Variants in ZBTB20 observed in about 807,000 individuals in gnomAD.
ZBTB20 encodes the protein zinc finger and BTB domain containing 20, also known as zinc finger and BTB domain-containing protein 20.
ZBTB20 carries 9 observed loss-of-function variants against 56.9 expected under a neutral mutation model. The ratio of observed to expected loss-of-function variants is 0.16; its 90% confidence interval spans 0.10 to 0.28. The LOEUF (loss-of-function observed/expected upper bound fraction) is 0.28. Ranked by LOEUF, ZBTB20 falls within the 10% of genes least tolerant of loss-of-function variation. ZBTB20 has a pLI of 1.00. For synonymous variants in ZBTB20, 417 were observed against 420.7 expected (o/e 0.99, Z 0.11); for missense variants, 655 against 1,003.0 (o/e 0.65, Z 4.69).
intron 1 of ZBTB20, among the ~76,000 whole-genome samples, chr3:115,088,935 A>G (rs1259172760): frequency 6.6e-6 from 1 of 151,312 alleles, no homozygotes; most frequent in Non-Finnish European, 1.5e-5. Flanking sequence ...AAGAGTTTTA[A>G]CTCTCAAATA....
At chr3:114,488,034 A>T (rs2109459049) in intron 7 of ZBTB20, among the ~76,000 whole-genome samples, 1 of 152,328 alleles carries the variant, frequency 6.6e-6, no homozygotes, top group South Asian at 2.1e-4. Flanking sequence ...CGCTGATGAT[A>T]ATTTTTACAT....
chr3:114,581,717 A>T (rs1323842796), intron 6 of ZBTB20, among the ~76,000 whole-genome samples: 2 of 151,990 alleles, frequency 1.3e-5, no homozygotes, highest in Admixed American at 1.3e-4. Context: ...AGTTAATGAG[A>T]TATTATTCAA....
chr3:114,386,207 C>A (rs2085103650), intron 8 of ZBTB20, among the ~76,000 whole-genome samples: 1 of 152,180 alleles, frequency 6.6e-6, no homozygotes, highest in Admixed American at 6.5e-5. Flanking sequence ...ATTTCTCTAC[C>A]TGGTCTGATG....
chr3:115,050,232 T>C (rs1348303704), intron 2 of ZBTB20, among the ~76,000 whole-genome samples: 1 of 152,002 alleles, frequency 6.6e-6, no homozygotes, highest in Non-Finnish European at 1.5e-5. Context: ...CGAATATGAA[T>C]AAAACGTTCA....
At chr3:114,902,056 G>C (rs1445970943) in intron 3 of ZBTB20, among the ~76,000 whole-genome samples, 2 of 152,106 alleles carry the variant, frequency 1.3e-5, no homozygotes, top group African/African-American at 4.8e-5. Context: ...AATTAATTCA[G>C]TCACAAATAA....
chr3:114,739,375 G>A (rs1240986520), intron 5 of ZBTB20, among the ~76,000 whole-genome samples: 1 of 152,116 alleles, frequency 6.6e-6, no homozygotes, highest in African/African-American at 2.4e-5. Flanking sequence ...CATAACAAAC[G>A]TGATCATGTT....
intron 7 of ZBTB20, among the ~76,000 whole-genome samples, chr3:114,474,430 G>A (rs1388966669): frequency 6.6e-6 from 1 of 152,198 alleles, no homozygotes; most frequent in East Asian, 1.9e-4. Context: ...AGACCTGCAA[G>A]CAGCCAAAAT....
intron 7 of ZBTB20, among the ~76,000 whole-genome samples, chr3:114,422,636 A>G (rs1050707300): frequency 2.6e-5 from 4 of 152,172 alleles, no homozygotes; most frequent in African/African-American, 9.7e-5. Flanking sequence ...AATCAAACTG[A>G]ACATAACTTG....
At chr3:114,543,221 G>A (rs1343363402) in intron 6 of ZBTB20, among the ~76,000 whole-genome samples, 1 of 151,966 alleles carries the variant, frequency 6.6e-6, no homozygotes, top group Non-Finnish European at 1.5e-5. Flanking sequence ...GGTTGTTATA[G>A]GGTATTTTTA....
chr3:114,427,183 TGA>T (rs141146278), intron 7 of ZBTB20, among the ~76,000 whole-genome samples: 369 of 152,326 alleles, frequency 2.4e-3, no homozygotes, highest in African/African-American at 8.3e-3. Context: ...AATACCAAAA[TGA>T]GAGTTTCCCA....
At chr3:114,352,004 G>T in intron 10 of ZBTB20, 126 bp from the exon 11 acceptor site, 1 of 1,201,110 alleles carries the variant, frequency 8.3e-7, no homozygotes, top group Non-Finnish European at 1.2e-6. Context: ...ACATACGCAA[G>T]TGGGGAGATG....
chr3:114,856,351 G>C (rs2075255215), intron 4 of ZBTB20, among the ~76,000 whole-genome samples: 1 of 152,086 alleles, frequency 6.6e-6, no homozygotes, highest in African/African-American at 2.4e-5. Context: ...AGTTGGCATT[G>C]AACAGATGTT....
chr3:115,130,008 T>TA (rs2084457354), intron 1 of ZBTB20, among the ~76,000 whole-genome samples: 1 of 152,186 alleles, frequency 6.6e-6, no homozygotes, highest in African/African-American at 2.4e-5. Flanking sequence ...CCATTAAGTG[T>TA]AAAAAATGCC....
intron 10 of ZBTB20, among the ~76,000 whole-genome samples, chr3:114,367,443 G>C (rs2082534228): frequency 6.6e-6 from 1 of 152,126 alleles, no homozygotes; most frequent in Non-Finnish European, 1.5e-5. Flanking sequence ...CTGTTTTGTA[G>C]AGATGGGGTT....
At chr3:114,635,144 T>A (rs1174748561) in intron 6 of ZBTB20, among the ~76,000 whole-genome samples, 3 of 152,066 alleles carry the variant, frequency 2.0e-5, no homozygotes, top group Non-Finnish European at 4.4e-5. Context: ...TAGCAAAAAC[T>A]AAAAGGAGCA....
chr3:114,641,058 T>C (rs2059532960), intron 6 of ZBTB20, among the ~76,000 whole-genome samples: 1 of 152,094 alleles, frequency 6.6e-6, no homozygotes, highest in Non-Finnish European at 1.5e-5. Flanking sequence ...TAACCCTTTC[T>C]AAAATATGTT....
intron 2 of ZBTB20, among the ~76,000 whole-genome samples, chr3:115,066,068 T>C (rs934427610): frequency 3.9e-4 from 60 of 152,126 alleles, no homozygotes; most frequent in Admixed American, 3.9e-3. Flanking sequence ...ATGAAACTCA[T>C]TCCCCTTATT....
chr3:114,787,364 T>TACACACACACAC (rs1181356405), intron 5 of ZBTB20, among the ~76,000 whole-genome samples: 21 of 99,546 alleles, frequency 2.1e-4, no homozygotes, highest in African/African-American at 1.2e-3. Context: ...TATATATATA[T>TACACACACACAC]ATATACACAC....
At chr3:114,773,542 G>C (rs1436445342) in intron 5 of ZBTB20, among the ~76,000 whole-genome samples, 9 of 152,162 alleles carry the variant, frequency 5.9e-5, no homozygotes, top group African/African-American at 2.2e-4. Context: ...AACACAGGGA[G>C]TGTATATCTA....
Sources: allele counts gnomAD v4.1 joint callset (sites outside exome capture counted in the v4.1 genomes callset), GRCh38; gene constraint gnomAD v4.1.1; transcripts MANE v1.5; gene names NCBI Gene and HGNC (gene_info 2026-07-23, HGNC 2026-07-21).